SLC35F1: variants seen among roughly 807,000 people sequenced by gnomAD.
The protein encoded by SLC35F1 is chromosome 6 open reading frame 169.
In SLC35F1, 14 loss-of-function variants were observed where a neutral mutation model predicts 48.7. That is an observed-to-expected ratio of 0.29 (90% CI 0.19 to 0.45). The LOEUF is 0.45. SLC35F1 is among the 20% of genes least tolerant of loss of function. SLC35F1 has a pLI of 1.00. For synonymous variants in SLC35F1, 190 were observed against 202.2 expected, an observed-to-expected ratio of 0.94 and a Z score of 0.51; for missense variants, 404 against 500.0, an observed-to-expected ratio of 0.81 and a Z score of 1.83.
At chr6:118,112,859 A>G (rs1048587651) in intron 1 of SLC35F1, among the ~76,000 whole-genome samples, 13 of 152,212 alleles carry the variant, frequency 8.5e-5, no homozygotes, top group African/African-American at 3.1e-4. Context: ...TATGATCAAT[A>G]TCAATCCAGC....
At chr6:118,090,061 G>A (rs1234240355) in intron 1 of SLC35F1, among the ~76,000 whole-genome samples, 2 of 152,188 alleles carry the variant, frequency 1.3e-5, no homozygotes, top group Admixed American at 1.3e-4. Context: ...GAGTAAGAAT[G>A]GGTGTTTAGA....
rs77367530 is a variant in SLC35F1, at chr6:118,277,208, C to T, written c.795-286C>T. 5.1e-3 allele frequency among the ~76,000 whole-genome samples: 774 copies of T among 152,330 alleles called. 4 individuals carry two copies. The highest frequency in any genetic ancestry group is 0.034 in the Middle Eastern group (10 of 294). On this transcript the variant is annotated intron_variant, in intron 5 of 7. Coordinates refer to ENST00000360388, the MANE Select transcript of SLC35F1 (RefSeq NM_001029858.4). ...CATTTGCTTTTCAGAAAGTATCTGT[C>T]AAACAGAAACAAAGGCTGTAGGCAG... is the stretch of plus-strand genomic sequence containing the variant.
intron 1 of SLC35F1, among the ~76,000 whole-genome samples, chr6:117,922,698 GA>G (rs1396648306): frequency 6.6e-6 from 1 of 152,190 alleles, no homozygotes; most frequent in Non-Finnish European, 1.5e-5. Context: ...TGGACATTAG[GA>G]CAGGTCTGAT....
At chr6:118,136,903 C>T (rs1340928599) in intron 1 of SLC35F1, among the ~76,000 whole-genome samples, 1 of 152,146 alleles carries the variant, frequency 6.6e-6, no homozygotes, top group Non-Finnish European at 1.5e-5. Context: ...TTCAAAGGGC[C>T]TCATTTCTCA....
intron 1 of SLC35F1, among the ~76,000 whole-genome samples, chr6:117,964,248 T>G (rs1043009530): frequency 1.3e-5 from 2 of 152,226 alleles, no homozygotes; most frequent in African/African-American, 4.8e-5. Context: ...CACTTTCACC[T>G]GTGCTTTCTC....
At chr6:118,204,681 CA>C (rs1381671911) in intron 2 of SLC35F1, among the ~76,000 whole-genome samples, 1 of 152,002 alleles carries the variant, frequency 6.6e-6, no homozygotes, top group Non-Finnish European at 1.5e-5. Context: ...GTATAACAAA[CA>C]GAGAGAATAG....
intron 1 of SLC35F1, among the ~76,000 whole-genome samples, chr6:118,150,177 A>C (rs1022484555): frequency 6.6e-6 from 1 of 152,172 alleles, no homozygotes. Context: ...TTTTATGAGG[A>C]TTAACTAAGA....
At chr6:118,033,959 G>A (rs768749545) in intron 1 of SLC35F1, among the ~76,000 whole-genome samples, 7 of 152,262 alleles carry the variant, frequency 4.6e-5, no homozygotes, top group Middle Eastern at 3.4e-3. Context: ...CGTATTTATT[G>A]AATCAATCAA....
intron 1 of SLC35F1, among the ~76,000 whole-genome samples, chr6:118,120,521 C>A (rs951636380): frequency 6.6e-6 from 1 of 152,110 alleles, no homozygotes; most frequent in Non-Finnish European, 1.5e-5. Context: ...CATGTTACCC[C>A]CTACAACTTA....
At chr6:117,923,528 C>G (rs1582563809) in intron 1 of SLC35F1, among the ~76,000 whole-genome samples, 1 of 137,542 alleles carries the variant, frequency 7.3e-6, no homozygotes, top group East Asian at 2.1e-4. Flanking sequence ...TGTATATACA[C>G]ATATATGGAA....
chr6:118,070,329 G>C (rs1041055605), intron 1 of SLC35F1, among the ~76,000 whole-genome samples: 1 of 152,032 alleles, frequency 6.6e-6, no homozygotes, highest in African/African-American at 2.4e-5. Context: ...TAACAAGTGA[G>C]TTTTATTTCC....
chr6:118,201,925 T>A (rs1774878001), intron 2 of SLC35F1, among the ~76,000 whole-genome samples: 1 of 152,250 alleles, frequency 6.6e-6, no homozygotes, highest in African/African-American at 2.4e-5. Flanking sequence ...TCATCCATTT[T>A]GTAGCATGTA....
intron 1 of SLC35F1, among the ~76,000 whole-genome samples, chr6:118,045,062 A>G (rs1772281473): frequency 6.6e-6 from 1 of 152,232 alleles, no homozygotes; most frequent in Non-Finnish European, 1.5e-5. Context: ...AGTTTTTAAA[A>G]TACATTTAAA....
chr6:118,018,268 G>A (rs1330737685), intron 1 of SLC35F1, among the ~76,000 whole-genome samples: 2 of 152,220 alleles, frequency 1.3e-5, no homozygotes, highest in Non-Finnish European at 2.9e-5. Context: ...CTACTCGGGA[G>A]GTTGAGGCAG....
rs191198500 is a variant in SLC35F1 at position 118,089,480 on chromosome 6, A to G, written c.174-64965A>G. ...ATTACTTCCAAAGTCTTTTCCTACC[A>G]TAACATAATACTATTAATTTCTATT... On this transcript the variant is annotated intron_variant, in intron 1 of 7. Coordinates refer to ENST00000360388, the MANE Select transcript of SLC35F1 (RefSeq NM_001029858.4). 7.9e-4 allele frequency among the ~76,000 whole-genome samples: 120 copies of G among 152,330 alleles called. 1 individual carries two copies. Among genetic ancestry groups the G allele is most frequent in the Non-Finnish European group, 9.7e-4 (66 of 68,026 alleles).
chr6:118,145,543 A>G (rs1346464602), intron 1 of SLC35F1, among the ~76,000 whole-genome samples: 2 of 152,352 alleles, frequency 1.3e-5, no homozygotes, highest in Non-Finnish European at 2.9e-5. Context: ...CATCAGCCAC[A>G]TTACAGAGTA....
chr6:118,105,014 C>T (rs1243772924), intron 1 of SLC35F1, among the ~76,000 whole-genome samples: 3 of 152,188 alleles, frequency 2.0e-5, no homozygotes, highest in Non-Finnish European at 4.4e-5. Context: ...CCCTGTACTG[C>T]ATCTGGGTTT....
intron 1 of SLC35F1, among the ~76,000 whole-genome samples, chr6:117,923,606 T>TACATATATGTACATATGTAC (rs1554216652): frequency 0.014 from 25 of 1,780 alleles, 5 homozygotes; most frequent in Non-Finnish European, 0.021. Flanking sequence ...TGTGTATATA[T>TACATATATGTACATATGTAC]ACATATACAT....
At chr6:118,279,121 T>G (rs1325593925) in intron 6 of SLC35F1, among the ~76,000 whole-genome samples, 1 of 152,160 alleles carries the variant, frequency 6.6e-6, no homozygotes, top group East Asian at 1.9e-4. Flanking sequence ...TAACAATAAT[T>G]TATTGTGTAT....
Sources: gnomAD v4.1 joint callset for allele counts (sites outside exome capture counted in the v4.1 genomes callset) on GRCh38, gnomAD v4.1.1 for gene constraint, MANE v1.5 for transcripts, NCBI Gene and HGNC (gene_info 2026-07-23, HGNC 2026-07-21) for gene names.